Variants in SENP7 observed in about 807,000 individuals in gnomAD.
The protein encoded by SENP7 is SUMO specific peptidase 7.
SENP7 carries 64 observed loss-of-function variants against 141.2 expected under a neutral mutation model. The ratio of observed to expected loss-of-function variants is 0.45; its 90% CI spans 0.37 to 0.56. The LOEUF is 0.56. SENP7 is among the 20% of genes least tolerant of loss of function. The pLI is 0.00. For missense variants in SENP7, 1,025 were observed against 1,212.2 expected (o/e 0.85, Z 2.29); for synonymous variants, 382 against 426.4 (o/e 0.90, Z 1.28).
Position 101,398,966 on chromosome 3 carries a change from C to T in SENP7, c.572G>A (p.Ser191Asn), listed in dbSNP as rs902585282. 1.9e-6 allele frequency: 3 copies of T among 1,613,836 alleles called. No individual in the cohort carries two copies. The highest frequency in any genetic ancestry group is 2.5e-6 in the Non-Finnish European group (3 of 1,179,772). Residue 191 changes from serine (S) to asparagine (N), a missense_variant, in exon 6 of 24, where the codon AGT (serine) becomes AAT (asparagine). Ser to Asn is a conservative substitution (Grantham distance 46). Coordinates refer to ENST00000394095, the MANE Select transcript of SENP7 (RefSeq NM_020654.5). ...RTPPVTEGSL[S>N]DTDNLQSEQL... ...CTCTGATTGCAAGTTGTCTGTATCA[C>T]TCAAACTTCCCTCAGTTACAGGTGG...
At chr3:101,458,636 AAAG>A (rs138355297) in intron 4 of SENP7, 2,266 of 171,342 alleles carry the variant, frequency 0.013, 37 homozygotes, top group African/African-American at 0.044. Flanking sequence ...AAAAAATAAA[AAAG>A]AAGAAGCAGC....
intron 20 of SENP7, 124 bp downstream of exon 20, chr3:101,330,210 A>C: frequency 1.7e-6 from 1 of 581,306 alleles, no homozygotes; most frequent in Non-Finnish European, 3.0e-6. Flanking sequence ...ACTGTCAAAG[A>C]ATCACAAAGC....
intron 3 of SENP7, among the ~76,000 whole-genome samples, chr3:101,461,781 T>A (rs2063555182): frequency 6.6e-6 from 1 of 152,090 alleles, no homozygotes; most frequent in Non-Finnish European, 1.5e-5. Flanking sequence ...GATGAACAGA[T>A]AAACAAATGT....
intron 4 of SENP7, among the ~76,000 whole-genome samples, chr3:101,419,195 G>A (rs1230929434): frequency 6.6e-6 from 1 of 152,172 alleles, no homozygotes; most frequent in East Asian, 1.9e-4. Flanking sequence ...AAATGCAAAT[G>A]TTTTGAGTAA....
chr3:101,367,484 CA>C (rs960142614), intron 8 of SENP7, among the ~76,000 whole-genome samples: 17 of 143,992 alleles, frequency 1.2e-4, no homozygotes, highest in South Asian at 4.4e-4. Context: ...ACAGAGCAAG[CA>C]AAAAAAAATG....
intron 1 of SENP7, among the ~76,000 whole-genome samples, chr3:101,507,428 A>C (rs1300765539): frequency 3.3e-5 from 5 of 152,156 alleles, no homozygotes; most frequent in Admixed American, 6.5e-5. Flanking sequence ...ATCACACCTC[A>C]TATAATTGAA....
intron 4 of SENP7, among the ~76,000 whole-genome samples, chr3:101,420,528 T>C (rs958604200): frequency 4.6e-5 from 7 of 152,174 alleles, no homozygotes; most frequent in Non-Finnish European, 7.3e-5. Context: ...GCCACAAATA[T>C]CCTTTTTTCC....
intron 3 of SENP7, among the ~76,000 whole-genome samples, chr3:101,472,226 A>G (rs561953569): frequency 6.6e-6 from 1 of 152,346 alleles, no homozygotes; most frequent in Non-Finnish European, 1.5e-5. Flanking sequence ...AGCACTATCC[A>G]CAATAGCAAA....
intron 4 of SENP7, chr3:101,457,849 A>G: frequency 1.8e-6 from 1 of 551,774 alleles, no homozygotes; most frequent in Non-Finnish European, 3.3e-6. Context: ...CTAAAGGGGA[A>G]TGATGTATGT....
chr3:101,460,481 T>A (rs1292121805), intron 3 of SENP7, among the ~76,000 whole-genome samples: 1 of 152,162 alleles, frequency 6.6e-6, no homozygotes, highest in East Asian at 1.9e-4. Flanking sequence ...CTAGAACAAC[T>A]GAACCGCCAC....
At chr3:101,378,827 T>C (rs943235053) in intron 6 of SENP7, among the ~76,000 whole-genome samples, 4 of 151,990 alleles carry the variant, frequency 2.6e-5, no homozygotes, top group African/African-American at 9.7e-5. Flanking sequence ...CCCTTAACTA[T>C]AGAAAAACAA....
chr3:101,415,965 T>C (rs1461686261), intron 5 of SENP7, among the ~76,000 whole-genome samples: 2 of 151,426 alleles, frequency 1.3e-5, no homozygotes, highest in Non-Finnish European at 3.0e-5. Context: ...TATATGTATA[T>C]ATGTTAAATG....
At chr3:101,384,991 A>C (rs1054717344) in intron 6 of SENP7, among the ~76,000 whole-genome samples, 2 of 152,218 alleles carry the variant, frequency 1.3e-5, no homozygotes, top group Non-Finnish European at 2.9e-5. Context: ...ACAAAAAATA[A>C]AAGACGAATG....
intron 6 of SENP7, 82 bp downstream of exon 6, chr3:101,398,779 A>G: frequency 9.6e-7 from 1 of 1,037,324 alleles, no homozygotes; most frequent in Non-Finnish European, 1.4e-6. Flanking sequence ...ACATTTAGCA[A>G]TAATGTATCT....
chr3:101,511,464 T>C (rs1378869072), intron 1 of SENP7, among the ~76,000 whole-genome samples: 2 of 152,216 alleles, frequency 1.3e-5, no homozygotes, highest in Non-Finnish European at 2.9e-5. Flanking sequence ...TGACACCAGC[T>C]AAGCATTGTG....
At chr3:101,498,824 A>T (rs1002564052) in intron 2 of SENP7, among the ~76,000 whole-genome samples, 1 of 152,126 alleles carries the variant, frequency 6.6e-6, no homozygotes, top group African/African-American at 2.4e-5. Flanking sequence ...GAGCACAAAC[A>T]CTATTGTGAA....
intron 4 of SENP7, among the ~76,000 whole-genome samples, chr3:101,428,399 T>G (rs1410188906): frequency 6.6e-6 from 1 of 152,252 alleles, no homozygotes; most frequent in African/African-American, 2.4e-5. Flanking sequence ...CTAACTGGCG[T>G]GAGATGGTAT....
intron 3 of SENP7, among the ~76,000 whole-genome samples, chr3:101,468,221 T>A (rs542189744): frequency 2.6e-5 from 4 of 152,120 alleles, no homozygotes; most frequent in Non-Finnish European, 5.9e-5. Context: ...AAAGACCAAA[T>A]CTACATTTGA....
intron 3 of SENP7, among the ~76,000 whole-genome samples, chr3:101,478,532 A>G (rs1174722304): frequency 2.0e-5 from 3 of 152,142 alleles, no homozygotes; most frequent in Non-Finnish European, 4.4e-5. Flanking sequence ...CACTAAAGAA[A>G]ATTTTAAAAG....
Sources: allele counts gnomAD v4.1 joint callset (sites outside exome capture counted in the v4.1 genomes callset), GRCh38; gene constraint gnomAD v4.1.1; transcripts MANE v1.5; gene names NCBI Gene and HGNC (gene_info 2026-07-23, HGNC 2026-07-21).